SPATA17: variants seen among roughly 807,000 people sequenced by gnomAD.
The protein encoded by SPATA17 is spermatogenesis associated 17.
In SPATA17, 53 loss-of-function variants were observed where a neutral mutation model predicts 62.2. The ratio of observed to expected loss-of-function variants is 0.85; its 90% CI spans 0.68 to 1.07. The LOEUF is 1.07. SPATA17 is among the 50% of genes least tolerant of loss of function. The pLI is 0.00. For synonymous variants in SPATA17, 146 were observed against 146.8 expected (o/e 0.99, Z 0.04); for missense variants, 466 against 425.5 (o/e 1.10, Z -0.84).
rs909512649 is a variant in SPATA17 at position 217,702,096 on chromosome 1, C to T, written c.395+18735C>T. 5.3e-5 allele frequency among the ~76,000 whole-genome samples: 8 copies of T among 151,228 alleles called. No homozygotes were observed. In the South Asian group the frequency reaches 1.3e-3, roughly 24 times the overall value. ...TTGACTACTATTTATACAAAAATAA[C>T]GTAATAATGCTTTGTGTATTTAAAA... On this transcript the variant is annotated intron_variant, in intron 5 of 10. Coordinates refer to ENST00000366933, the MANE Select transcript of SPATA17 (RefSeq NM_138796.4).
chr1:217,779,003 C>T (rs932538665), intron 7 of SPATA17, among the ~76,000 whole-genome samples: 2 of 151,450 alleles, frequency 1.3e-5, no homozygotes. Flanking sequence ...GCAGAAGGTA[C>T]ATATATAGAA....
intron 9 of SPATA17, among the ~76,000 whole-genome samples, chr1:217,853,032 T>C (rs1222598904): frequency 6.6e-6 from 1 of 152,188 alleles, no homozygotes; most frequent in East Asian, 1.9e-4. Flanking sequence ...GCATGACTGG[T>C]TCATTGCTGT....
At chr1:217,804,102 C>T (rs1444401638) in intron 9 of SPATA17, among the ~76,000 whole-genome samples, 1 of 151,928 alleles carries the variant, frequency 6.6e-6, no homozygotes, top group East Asian at 1.9e-4. Context: ...CCAAAGCAAT[C>T]TTGAGCAAAA....
intron 3 of SPATA17, among the ~76,000 whole-genome samples, chr1:217,663,850 C>T (rs1670622097): frequency 6.6e-6 from 1 of 151,934 alleles, no homozygotes; most frequent in Non-Finnish European, 1.5e-5. Context: ...TGGTTTTCAA[C>T]CAAAATGCTC....
At chr1:217,810,006 G>A (rs1674546145) in intron 9 of SPATA17, among the ~76,000 whole-genome samples, 2 of 152,014 alleles carry the variant, frequency 1.3e-5, no homozygotes, top group Admixed American at 6.6e-5. Context: ...AATTCAAGGA[G>A]GTGTTCATTT....
chr1:217,658,229 A>C (rs1455612336), intron 3 of SPATA17, among the ~76,000 whole-genome samples: 1 of 152,172 alleles, frequency 6.6e-6, no homozygotes, highest in African/African-American at 2.4e-5. Flanking sequence ...AGGATCCCTC[A>C]TGAAAGACTT....
intron 9 of SPATA17, among the ~76,000 whole-genome samples, chr1:217,854,811 T>C (rs1461020735): frequency 6.6e-6 from 1 of 152,044 alleles, no homozygotes; most frequent in Non-Finnish European, 1.5e-5. Flanking sequence ...AGTGAGAGAG[T>C]AAGGATGTGC....
intron 9 of SPATA17, among the ~76,000 whole-genome samples, chr1:217,847,281 A>G (rs1313443714): frequency 6.6e-6 from 1 of 152,058 alleles, no homozygotes; most frequent in Non-Finnish European, 1.5e-5. Context: ...AGTTATATTT[A>G]TGTGTGCTTT....
intron 9 of SPATA17, among the ~76,000 whole-genome samples, chr1:217,847,718 G>T (rs558109498): frequency 6.6e-6 from 1 of 152,156 alleles, no homozygotes; most frequent in South Asian, 2.1e-4. Context: ...AGGTATTTAA[G>T]GTAAATGTAA....
chr1:217,650,787 C>T (rs1219979575), intron 2 of SPATA17, among the ~76,000 whole-genome samples: 1 of 152,230 alleles, frequency 6.6e-6, no homozygotes, highest in African/African-American at 2.4e-5. Flanking sequence ...TATTTCTCAA[C>T]ATGTCACTGT....
intron 6 of SPATA17, among the ~76,000 whole-genome samples, chr1:217,773,704 C>T (rs547617871): frequency 9.9e-5 from 15 of 152,044 alleles, no homozygotes; most frequent in African/African-American, 3.4e-4. Flanking sequence ...CACCTAACCA[C>T]GTGAATACAA....
chr1:217,789,998 C>T (rs1487060282), intron 8 of SPATA17, among the ~76,000 whole-genome samples: 1 of 151,836 alleles, frequency 6.6e-6, no homozygotes, highest in Non-Finnish European at 1.5e-5. Flanking sequence ...GATCGCACCA[C>T]TGCAACTCCA....
At chr1:217,796,518 C>T (rs370261137) in intron 8 of SPATA17, among the ~76,000 whole-genome samples, 1 of 152,152 alleles carries the variant, frequency 6.6e-6, no homozygotes, top group South Asian at 2.1e-4. Flanking sequence ...AGTTTTGCCA[C>T]TTGCATTCTT....
At chr1:217,702,499 G>A (rs1671621910) in intron 5 of SPATA17, among the ~76,000 whole-genome samples, 1 of 152,038 alleles carries the variant, frequency 6.6e-6, no homozygotes, top group Non-Finnish European at 1.5e-5. Context: ...ATAAAGCATA[G>A]AATACATTAA....
At chr1:217,760,347 A>G (rs1480925835) in intron 6 of SPATA17, among the ~76,000 whole-genome samples, 2 of 152,222 alleles carry the variant, frequency 1.3e-5, no homozygotes, top group African/African-American at 4.8e-5. Context: ...ATTGAAGGAT[A>G]ACATACAGAA....
rs572418546 is a variant in SPATA17, at chr1:217,808,830, G to A, written c.1005+6980G>A. Among the ~76,000 whole-genome samples, 10 of 151,166 alleles carry A rather than the reference G, an allele frequency of 6.6e-5. No homozygotes were observed. In the South Asian group the frequency reaches 2.1e-3, roughly 32 times the overall value. On this transcript the variant is annotated intron_variant, in intron 9 of 10. Coordinates refer to ENST00000366933, the MANE Select transcript of SPATA17 (RefSeq NM_138796.4). ...AGATCGCGCCACTGCACTCCAGTCT[G>A]GTGACAGAGCGAGACTCTGTCTCAA...
At chr1:217,763,666 A>C (rs1673227059) in intron 6 of SPATA17, among the ~76,000 whole-genome samples, 1 of 152,214 alleles carries the variant, frequency 6.6e-6, no homozygotes, top group Non-Finnish European at 1.5e-5. Context: ...CAGCAGATGG[A>C]GAGAACCTGT....
Position 217,696,198 on chromosome 1 carries a change from C to T in SPATA17, c.395+12837C>T, listed in dbSNP as rs532446414. ...AGGTGTGGGATATAGTCTCGTGGTG[C>T]ACCGTTTTTTAAGCTGGTCTGAAAA... On this transcript the variant is annotated intron_variant, in intron 5 of 10. Transcript: ENST00000366933. Among the ~76,000 whole-genome samples, 35 of 152,308 alleles carry T rather than the reference C, an allele frequency of 2.3e-4. No homozygotes were observed. The South Asian group carries it at 7.0e-3, about 31-fold the overall frequency.
chr1:217,766,951 A>G (rs1292708026), intron 6 of SPATA17, among the ~76,000 whole-genome samples: 1 of 151,958 alleles, frequency 6.6e-6, no homozygotes, highest in Non-Finnish European at 1.5e-5. Context: ...CTTTGTGTCT[A>G]TGTGTACTTA....
Sources: gnomAD v4.1 joint callset for allele counts (sites outside exome capture counted in the v4.1 genomes callset) on GRCh38, gnomAD v4.1.1 for gene constraint, MANE v1.5 for transcripts, NCBI Gene and HGNC (gene_info 2026-07-23, HGNC 2026-07-21) for gene names.